Variants in CADM2 observed in about 807,000 individuals in gnomAD.
CADM2 encodes the protein immunoglobulin superfamily member 4D.
In CADM2, 12 loss-of-function variants were observed where a neutral mutation model predicts 49.8. The ratio of observed to expected loss-of-function variants is 0.24; its 90% confidence interval spans 0.15 to 0.39. The LOEUF (loss-of-function observed/expected upper bound fraction) is 0.39, where lower values mean the gene tolerates loss of function less well. Ranked by LOEUF, CADM2 falls within the 10% of genes least tolerant of loss-of-function variation. The probability of loss-of-function intolerance (pLI) is 1.00; values close to 1 mark genes in which losing one functional copy is unlikely to be tolerated. For missense variants in CADM2, 378 were observed against 492.3 expected (o/e 0.77, Z 2.20); for synonymous variants, 214 against 175.4 (o/e 1.22, Z -1.74).
intron 3 of CADM2, among the ~76,000 whole-genome samples, chr3:85,858,127 T>C (rs542329613): frequency 2.0e-5 from 3 of 152,312 alleles, no homozygotes; most frequent in African/African-American, 7.2e-5. Flanking sequence ...TCACACAATA[T>C]CTCTGCCTTT....
Position 85,636,494 on chromosome 3 carries a change from A to T in CADM2, c.62-90028A>T, listed in dbSNP as rs186957771. ...TAGAAATGTATAAAAATTTTACAGT[A>T]ACCTAAGGCTAATTTATTTTTAAAG... is the stretch of plus-strand genomic sequence containing the variant. On this transcript the variant is annotated intron_variant, in intron 1 of 9. Coordinates refer to ENST00000383699, the MANE Select transcript of CADM2 (RefSeq NM_001167675.2). Among the ~76,000 whole-genome samples, 149 of 152,310 alleles carry T rather than the reference A, an allele frequency of 9.8e-4. 1 individual carries two copies. The highest frequency in any genetic ancestry group is 1.6e-3 in the Admixed American group (25 of 15,304).
At chr3:85,712,551 C>T (rs1352033908) in intron 1 of CADM2, among the ~76,000 whole-genome samples, 2 of 152,152 alleles carry the variant, frequency 1.3e-5, no homozygotes, top group African/African-American at 4.8e-5. Context: ...TGAAACTGAA[C>T]ACTTAAGACC....
rs1273243486 is a variant in CADM2 at position 85,629,033 on chromosome 3, TATG to T, written c.62-97485_62-97483del. Reference sequence around the variant, plus strand: ...GATTTTGCTTTATTTCAGACAGAAATATGATGTTAAAATCATTTTTGTGCATAC... The same window carrying T: ...GATTTTGCTTTATTTCAGACAGAAATATGTTAAAATCATTTTTGTGCATAC... On this transcript the variant is annotated intron_variant, in intron 1 of 9. Transcript: ENST00000383699. Among the ~76,000 whole-genome samples the T allele has an allele frequency of 2.6e-5, 4 of 151,830 alleles. No individual in the cohort carries two copies. In the East Asian group the frequency reaches 5.8e-4, roughly 22 times the overall value.
chr3:85,569,141 C>G (rs2062403107), intron 1 of CADM2, among the ~76,000 whole-genome samples: 1 of 152,156 alleles, frequency 6.6e-6, no homozygotes, highest in South Asian at 2.1e-4. Context: ...TACCTCCCCT[C>G]CACACCCAAT....
At chr3:85,599,443 G>A (rs1448940051) in intron 1 of CADM2, among the ~76,000 whole-genome samples, 2 of 151,934 alleles carry the variant, frequency 1.3e-5, no homozygotes, top group Non-Finnish European at 2.9e-5. Flanking sequence ...CACACAGCTG[G>A]TAGCAGAGCT....
chr3:85,399,528 C>T (rs920703009), intron 1 of CADM2, among the ~76,000 whole-genome samples: 4 of 152,116 alleles, frequency 2.6e-5, no homozygotes, highest in Admixed American at 6.6e-5. Context: ...TCATTGGTAG[C>T]TTGATGGGGA....
chr3:85,047,936 C>T (rs2035730556), intron 1 of CADM2, among the ~76,000 whole-genome samples: 1 of 152,052 alleles, frequency 6.6e-6, no homozygotes, highest in Non-Finnish European at 1.5e-5. Context: ...TGCAGAGTGA[C>T]AGTAATAACA....
At chr3:85,426,951 G>T (rs987840499) in intron 1 of CADM2, among the ~76,000 whole-genome samples, 2 of 151,458 alleles carry the variant, frequency 1.3e-5, no homozygotes, top group African/African-American at 4.9e-5. Flanking sequence ...TGTGATCTTG[G>T]CTCACTCTAA....
At chr3:85,762,594 C>CCTCTCT (rs758842388) in intron 2 of CADM2, among the ~76,000 whole-genome samples, 1 of 50,416 alleles carries the variant, frequency 2.0e-5, no homozygotes, top group Admixed American at 2.0e-4. Flanking sequence ...CTGCACTACT[C>CCTCTCT]CTCTCTCTCT....
At chr3:85,132,733 T>C (rs962324640) in intron 1 of CADM2, among the ~76,000 whole-genome samples, 6 of 152,114 alleles carry the variant, frequency 3.9e-5, no homozygotes, top group African/African-American at 1.4e-4. Context: ...GTTCTGTCAA[T>C]AAATGCAAAA....
At chr3:85,758,361 G>A (rs901949194) in intron 2 of CADM2, among the ~76,000 whole-genome samples, 14 of 152,022 alleles carry the variant, frequency 9.2e-5, no homozygotes, top group African/African-American at 3.4e-4. Flanking sequence ...ATTAGTTGAT[G>A]GTAATTATAA....
chr3:85,243,656 G>T (rs2042583629), intron 1 of CADM2, among the ~76,000 whole-genome samples: 1 of 152,018 alleles, frequency 6.6e-6, no homozygotes, highest in Non-Finnish European at 1.5e-5. Context: ...GTACCAGAGT[G>T]TTCAGCCATA....
chr3:85,442,375 C>T (rs1220947506), intron 1 of CADM2, among the ~76,000 whole-genome samples: 1 of 151,480 alleles, frequency 6.6e-6, no homozygotes, highest in Non-Finnish European at 1.5e-5. Flanking sequence ...TTGAATATAG[C>T]GGAGCAAATG....
At chr3:86,028,189 C>G (rs1734127653) in intron 8 of CADM2, among the ~76,000 whole-genome samples, 1 of 144,286 alleles carries the variant, frequency 6.9e-6, no homozygotes, top group Non-Finnish European at 1.5e-5. Flanking sequence ...TACCCTAGAA[C>G]TTAAAGTATA....
intron 1 of CADM2, among the ~76,000 whole-genome samples, chr3:85,149,597 C>G (rs955904730): frequency 6.6e-6 from 1 of 152,068 alleles, no homozygotes; most frequent in African/African-American, 2.4e-5. Flanking sequence ...ATTAGCCAGG[C>G]ATGGTGGCAG....
intron 8 of CADM2, among the ~76,000 whole-genome samples, chr3:85,982,710 GC>G (rs1708714865): frequency 6.6e-6 from 1 of 151,454 alleles, no homozygotes; most frequent in African/African-American, 2.4e-5. Flanking sequence ...TTTGTGAATT[GC>G]CTTTTAAATT....
At chr3:85,868,511 T>G (rs572770734) in intron 3 of CADM2, among the ~76,000 whole-genome samples, 1 of 152,204 alleles carries the variant, frequency 6.6e-6, no homozygotes, top group South Asian at 2.1e-4. Context: ...AGGTAATATT[T>G]TTCTGAGGCC....
intron 7 of CADM2, among the ~76,000 whole-genome samples, chr3:85,958,657 A>G (rs796163056): frequency 2.6e-5 from 4 of 152,134 alleles, no homozygotes; most frequent in African/African-American, 9.6e-5. Flanking sequence ...ACAAATGCCC[A>G]TCAATGATAG....
chr3:85,060,997 A>C (rs1001107493), intron 1 of CADM2, among the ~76,000 whole-genome samples: 1 of 152,194 alleles, frequency 6.6e-6, no homozygotes, highest in Non-Finnish European at 1.5e-5. Flanking sequence ...TTCTTACTGA[A>C]CCAGAAACAG....
Sources: allele counts gnomAD v4.1 joint callset (sites outside exome capture counted in the v4.1 genomes callset), GRCh38; gene constraint gnomAD v4.1.1; transcripts MANE v1.5; gene names NCBI Gene and HGNC (gene_info 2026-07-23, HGNC 2026-07-21).